The following ATP8A1 variants were observed in gnomAD, a reference collection of about 807,000 sequenced individuals.
ATP8A1 encodes ATPase phospholipid transporting 8A1, also known as phospholipid-transporting ATPase IA.
In ATP8A1, 90 loss-of-function variants were observed where a neutral mutation model predicts 177.7. The ratio of observed to expected loss-of-function variants is 0.51; its 90% confidence interval spans 0.43 to 0.60. The LOEUF (loss-of-function observed/expected upper bound fraction) is 0.60, where lower values mean the gene tolerates loss of function less well. Ranked by LOEUF, ATP8A1 falls within the 20% of genes least tolerant of loss-of-function variation. The pLI is 0.00. For synonymous variants in ATP8A1, 493 were observed against 485.9 expected, an observed-to-expected ratio of 1.01 and a Z score of -0.19; for missense variants, 1,072 against 1,392.8, an observed-to-expected ratio of 0.77 and a Z score of 3.67.
intron 25 of ATP8A1, among the ~76,000 whole-genome samples, chr4:42,480,506 A>T (rs1448988491): frequency 6.6e-6 from 1 of 152,076 alleles, no homozygotes; most frequent in Non-Finnish European, 1.5e-5. Context: ...GTGTTCACAA[A>T]TTTTTTTCCT....
chr4:42,549,394 A>G (rs1729262921), intron 18 of ATP8A1, among the ~76,000 whole-genome samples: 1 of 152,190 alleles, frequency 6.6e-6, no homozygotes, highest in South Asian at 2.1e-4. Flanking sequence ...GACTGTATTG[A>G]GAAAAGTATA....
chr4:42,471,688 G>A (rs1236963572), intron 25 of ATP8A1: 3 of 268,672 alleles, frequency 1.1e-5, no homozygotes, highest in South Asian at 4.5e-5. Flanking sequence ...CAATATTGCT[G>A]TTCATTTTCT....
At chr4:42,458,051 T>C (rs1443671174) in intron 27 of ATP8A1, among the ~76,000 whole-genome samples, 1 of 152,146 alleles carries the variant, frequency 6.6e-6, no homozygotes, top group Non-Finnish European at 1.5e-5. Context: ...ACCTTAGATT[T>C]TCACTCTAAT....
chr4:42,647,543 A>G lies in ATP8A1; in HGVS notation c.49+9282T>C, dbSNP rs573535285. ...CAAAGACAATTTATATTTATAATAC[A>G]TATTAGTATTTATATATTAAATACA... On this transcript the variant is annotated intron_variant, in intron 1 of 36. Coordinates refer to ENST00000381668, the MANE Select transcript of ATP8A1 (RefSeq NM_006095.2). 2.3e-3 allele frequency among the ~76,000 whole-genome samples: 343 copies of G among 151,140 alleles called. 1 individual carries two copies. Among genetic ancestry groups the G allele is most frequent in the Non-Finnish European group, 3.5e-3 (237 of 67,780 alleles).
intron 12 of ATP8A1, among the ~76,000 whole-genome samples, chr4:42,576,689 T>C (rs1732496281): frequency 6.6e-6 from 1 of 152,142 alleles, no homozygotes. Flanking sequence ...CTCCCATGTC[T>C]GTATTCTGAA....
chr4:42,575,760 T>A (rs576356442), intron 12 of ATP8A1, 61 bp from the exon 13 acceptor site: 8 of 1,395,212 alleles, frequency 5.7e-6, no homozygotes, highest in African/African-American at 1.4e-5. Flanking sequence ...GGTGAAACTT[T>A]AAAAGAAAAC....
intron 19 of ATP8A1, among the ~76,000 whole-genome samples, chr4:42,544,441 C>T (rs938659166): frequency 1.3e-5 from 2 of 152,172 alleles, no homozygotes; most frequent in Non-Finnish European, 2.9e-5. Flanking sequence ...AATACTAGTA[C>T]TTTAAAAAAC....
chr4:42,584,312 C>T (rs1002661877), intron 9 of ATP8A1, among the ~76,000 whole-genome samples: 5 of 152,124 alleles, frequency 3.3e-5, no homozygotes, highest in African/African-American at 9.7e-5. Context: ...AAAGACTTCA[C>T]CTTTTCTGCC....
At chr4:42,472,244 A>G (rs550288653) in intron 25 of ATP8A1, 3 of 575,128 alleles carry the variant, frequency 5.2e-6, no homozygotes, top group Non-Finnish European at 1.0e-5. Flanking sequence ...AAACTGGATG[A>G]CAGCCGGCTC....
At chr4:42,566,293 T>A (rs1731339101) in intron 15 of ATP8A1, among the ~76,000 whole-genome samples, 1 of 152,196 alleles carries the variant, frequency 6.6e-6, no homozygotes, top group South Asian at 2.1e-4. Flanking sequence ...GTTTTATACA[T>A]GGAATTCAAT....
intron 6 of ATP8A1, among the ~76,000 whole-genome samples, chr4:42,597,466 A>C (rs577846067): frequency 6.6e-6 from 1 of 152,248 alleles, no homozygotes; most frequent in South Asian, 2.1e-4. Flanking sequence ...AGGAACCCTT[A>C]CTTGTCTTGC....
At chr4:42,494,770 T>C (rs1723096802) in intron 24 of ATP8A1, among the ~76,000 whole-genome samples, 1 of 152,246 alleles carries the variant, frequency 6.6e-6, no homozygotes, top group African/African-American at 2.4e-5. Flanking sequence ...GGCATTTCTC[T>C]TTTATTATCT....
Position 42,507,808 on chromosome 4 carries a change from A to C in ATP8A1, c.1948-654T>G, listed in dbSNP as rs895463962. On this transcript the variant is annotated intron_variant, in intron 22 of 36. Coordinates refer to ENST00000381668, the MANE Select transcript of ATP8A1 (RefSeq NM_006095.2). ...AAAAAAAAAAAAAAAAAAAAAAAAA[A>C]ACATACAAACAGCTATGGGAGACTA... Among the ~76,000 whole-genome samples, 7 of 145,142 alleles carry C rather than the reference A, an allele frequency of 4.8e-5. No homozygotes were observed. The East Asian group carries it at 5.9e-4, about 12-fold the overall frequency.
intron 24 of ATP8A1, among the ~76,000 whole-genome samples, chr4:42,495,614 G>GTT (rs67918221): frequency 2.0e-5 from 3 of 146,688 alleles, no homozygotes; most frequent in African/African-American, 7.4e-5. Context: ...GTATTTATTG[G>GTT]TTTTTTTTTT....
chr4:42,417,211 T>C (rs527855526), intron 35 of ATP8A1, among the ~76,000 whole-genome samples: 4 of 152,256 alleles, frequency 2.6e-5, no homozygotes, highest in South Asian at 4.1e-4. Context: ...TATGCAATTC[T>C]GGGCCATCAA....
At chr4:42,515,888 G>A (rs892855265) in intron 22 of ATP8A1, among the ~76,000 whole-genome samples, 1 of 152,154 alleles carries the variant, frequency 6.6e-6, no homozygotes, top group Non-Finnish European at 1.5e-5. Flanking sequence ...ATAAATGAAC[G>A]AATCTAAACT....
intron 1 of ATP8A1, among the ~76,000 whole-genome samples, chr4:42,651,548 G>T (rs148250836): frequency 6.6e-6 from 1 of 152,236 alleles, no homozygotes; most frequent in African/African-American, 2.4e-5. Flanking sequence ...ACCCTTTTCC[G>T]TTTGTAACAC....
At chr4:42,471,768 T>C (rs976063102) in intron 25 of ATP8A1, 2 of 416,158 alleles carry the variant, frequency 4.8e-6, no homozygotes, top group Admixed American at 6.6e-5. Flanking sequence ...TTAAAAATGG[T>C]AGCAAGCTCT....
In ATP8A1 at chr4:42,549,052, T is replaced by G. The variant is rs148589369; in HGVS notation, c.1613A>C (p.Glu538Ala). ...GACATTGAGCAATTCATATCTTTCT[T>G]CCTGCCCCAGCTAAGAAGAAAAGGA... ...DSVIIDSLGQ[E>A]ERYELLNVLE... The change falls in exon 19 of 37, where the codon GAA becomes GCA. Residue 538 changes from glutamate to alanine, a missense_variant. Coordinates refer to ENST00000381668, the MANE Select transcript of ATP8A1 (RefSeq NM_006095.2). 6.2e-7 allele frequency: 1 copy of G among 1,611,682 alleles called. No homozygotes were observed. Among genetic ancestry groups the G allele is most frequent in the Non-Finnish European group, 8.5e-7 (1 of 1,178,426 alleles).
Sources: gnomAD v4.1 joint callset for allele counts (sites outside exome capture counted in the v4.1 genomes callset) on GRCh38, gnomAD v4.1.1 for gene constraint, MANE v1.5 for transcripts, NCBI Gene and HGNC (gene_info 2026-07-23, HGNC 2026-07-21) for gene names.